TRDN: variants seen among roughly 807,000 people sequenced by gnomAD.
TRDN encodes the protein triadin, also known as triadin in skeletal muscle.
Under a neutral mutation model 149.7 loss-of-function variants are expected in TRDN, and 161 were observed. That is an observed-to-expected ratio of 1.08 (90% CI 0.95 to 1.23). The LOEUF (loss-of-function observed/expected upper bound fraction) is 1.23. Ranked by LOEUF, TRDN falls within the 50% of genes most tolerant of loss-of-function variation. The pLI is 0.00. For synonymous variants in TRDN, 294 were observed against 250.5 expected (o/e 1.17, Z -1.64); for missense variants, 896 against 823.5 (o/e 1.09, Z -1.08).
chr6:123,475,959 A>T lies in TRDN; in HGVS notation c.854-10976T>A, dbSNP rs1040159360. Among the ~76,000 whole-genome samples the T allele has an allele frequency of 3.5e-5, 5 of 141,884 alleles. No homozygotes were observed. The East Asian group carries it at 1.1e-3, about 32-fold the overall frequency. 93.1% of individuals were successfully genotyped at this position (141,884 alleles called of 152,430 possible). On this transcript the variant is annotated intron_variant, in intron 9 of 40. Transcript: ENST00000334268. ...AAACCCACAGCCAATATCATACTGA[A>T]TGGGCAAAAACTGGAAGCATTCCCT...
intron 20 of TRDN, among the ~76,000 whole-genome samples, chr6:123,360,409 A>G (rs912228298): frequency 2.6e-5 from 4 of 152,222 alleles, no homozygotes; most frequent in Admixed American, 6.5e-5. Flanking sequence ...AGCCAGAAAT[A>G]AAGGCCAGTC....
At chr6:123,367,203 AAATAAT>A (rs201505974) in intron 19 of TRDN, among the ~76,000 whole-genome samples, 2 of 151,846 alleles carry the variant, frequency 1.3e-5, no homozygotes, top group East Asian at 1.9e-4. Context: ...CAGGAAAATA[AAATAAT>A]AATAATAATA....
chr6:123,499,201 T>G (rs9490790), intron 8 of TRDN, among the ~76,000 whole-genome samples: 126,172 of 151,944 alleles, frequency 0.83, 52,583 homozygotes, highest in East Asian at 0.88. Flanking sequence ...GGGAGTATTT[T>G]TAATATAACA....
chr6:123,560,554 G>A (rs1299568563), intron 2 of TRDN, among the ~76,000 whole-genome samples: 1 of 152,070 alleles, frequency 6.6e-6, no homozygotes, highest in Admixed American at 6.5e-5. Context: ...TCCTGATAAG[G>A]TAGCTAAAAA....
chr6:123,320,155 T>C (rs1302757363), intron 23 of TRDN, among the ~76,000 whole-genome samples: 1 of 152,022 alleles, frequency 6.6e-6, no homozygotes, highest in African/African-American at 2.4e-5. Flanking sequence ...TTTGTTATTA[T>C]CACGGTTGTT....
chr6:123,224,188 G>A, intron 38 of TRDN, 57 bp from the exon 39 acceptor site: 1 of 1,537,304 alleles, frequency 6.5e-7, no homozygotes. Flanking sequence ...TTTTCCCAGA[G>A]GAAGTATTGT....
chr6:123,553,679 G>C (rs1363313977), intron 2 of TRDN, among the ~76,000 whole-genome samples: 3 of 152,140 alleles, frequency 2.0e-5, no homozygotes, highest in Non-Finnish European at 2.9e-5. Flanking sequence ...AAGGTGAAAG[G>C]CATGTCTTAC....
At chr6:123,481,112 A>C (rs981619157) in intron 9 of TRDN, among the ~76,000 whole-genome samples, 8 of 152,258 alleles carry the variant, frequency 5.3e-5, no homozygotes, top group South Asian at 2.1e-4. Context: ...CAGGCCTTAC[A>C]GTCAGCTTAA....
intron 9 of TRDN, among the ~76,000 whole-genome samples, chr6:123,493,070 T>C (rs1376404583): frequency 6.6e-6 from 1 of 152,126 alleles, no homozygotes. Flanking sequence ...GGAGAAAGTA[T>C]CTCTGGAGAG....
intron 1 of TRDN, among the ~76,000 whole-genome samples, chr6:123,584,884 G>T (rs541029710): frequency 1.3e-5 from 2 of 152,118 alleles, no homozygotes; most frequent in African/African-American, 4.8e-5. Flanking sequence ...TTGATAAGGC[G>T]CAGATCCTGA....
At chr6:123,244,639 G>A (rs1010273899) in intron 38 of TRDN, among the ~76,000 whole-genome samples, 7 of 152,198 alleles carry the variant, frequency 4.6e-5, no homozygotes, top group South Asian at 2.1e-4. Context: ...TTAAAGTGAC[G>A]GGGAGAATGG....
intron 4 of TRDN, among the ~76,000 whole-genome samples, chr6:123,544,463 A>G (rs565984049): frequency 6.6e-6 from 1 of 152,170 alleles, no homozygotes; most frequent in East Asian, 1.9e-4. Flanking sequence ...ATGACATTCA[A>G]TTCCTTTAAA....
chr6:123,244,938 A>G (rs1451504894), intron 38 of TRDN, among the ~76,000 whole-genome samples: 4 of 152,218 alleles, frequency 2.6e-5, no homozygotes, highest in African/African-American at 9.6e-5. Context: ...GGGGGCCAAT[A>G]TTCAACATTC....
intron 8 of TRDN, chr6:123,498,631 C>A (rs1425170835): frequency 4.3e-6 from 2 of 470,574 alleles, no homozygotes; most frequent in African/African-American, 4.0e-5. Context: ...TTTCTGATCC[C>A]AGGACCTGGG....
intron 24 of TRDN, among the ~76,000 whole-genome samples, chr6:123,300,968 A>G (rs192491013): frequency 6.6e-6 from 1 of 151,958 alleles, no homozygotes; most frequent in Admixed American, 6.6e-5. Flanking sequence ...ATCTTATTGC[A>G]CTTGATCATT....
At chr6:123,601,736 C>T (rs1784290193) in intron 1 of TRDN, among the ~76,000 whole-genome samples, 1 of 152,106 alleles carries the variant, frequency 6.6e-6, no homozygotes. Context: ...GAACTCTAAG[C>T]TGGCAGGTAA....
intron 13 of TRDN, among the ~76,000 whole-genome samples, chr6:123,390,303 A>T (rs1231656884): frequency 6.6e-6 from 1 of 152,182 alleles, no homozygotes; most frequent in Non-Finnish European, 1.5e-5. Flanking sequence ...TTCCTTCAAG[A>T]TTAGTAAAAT....
At chr6:123,604,331 T>C (rs1187223489) in intron 1 of TRDN, among the ~76,000 whole-genome samples, 1 of 152,220 alleles carries the variant, frequency 6.6e-6, no homozygotes, top group Non-Finnish European at 1.5e-5. Context: ...CCTACATTCA[T>C]GACATTGCAG....
chr6:123,598,225 C>T (rs1405935726), intron 1 of TRDN, among the ~76,000 whole-genome samples: 1 of 152,002 alleles, frequency 6.6e-6, no homozygotes, highest in African/African-American at 2.4e-5. Flanking sequence ...AAAGTGAAAG[C>T]ATGTAATATT....
Sources: allele counts gnomAD v4.1 joint callset (sites outside exome capture counted in the v4.1 genomes callset), GRCh38; gene constraint gnomAD v4.1.1; transcripts MANE v1.5; gene names NCBI Gene and HGNC (gene_info 2026-07-23, HGNC 2026-07-21).